Variants in UNC5D observed in about 807,000 individuals in gnomAD.
UNC5D encodes netrin receptor UNC5D.
A neutral mutation model predicts 105.4 loss-of-function variants in UNC5D; 39 were observed. The observed-to-expected ratio is 0.37, with a 90% CI of 0.29 to 0.48. UNC5D has a LOEUF of 0.48. Ranked by LOEUF, UNC5D falls within the 20% of genes least tolerant of loss-of-function variation. UNC5D has a pLI of 0.98. For synonymous variants in UNC5D, 452 were observed against 450.4 expected (o/e 1.00, Z -0.04); for missense variants, 991 against 1,202.4 (o/e 0.82, Z 2.60).
chr8:35,684,432 G>A (rs1825876118), intron 5 of UNC5D, 150 bp from the exon 6 acceptor site: 2 of 798,226 alleles, frequency 2.5e-6, no homozygotes, highest in South Asian at 5.2e-5. Context: ...CCCCACTGTT[G>A]TCTCATAATG....
rs748166151 is a variant in UNC5D, at chr8:35,686,613, C to T, written c.988C>T (p.Arg330Trp). Residue 330 changes from arginine (R) to tryptophan (W), a missense_variant, in exon 7 of 17, where the codon CGG becomes TGG. Coordinates refer to ENST00000404895, the MANE Select transcript of UNC5D (RefSeq NM_080872.4). Reference sequence around the variant, plus strand: ...TCCAGAGTGTGAACATTTGCGGATCCGGGAGTGCACAGCACCACCCCCGAG... The same window carrying T: ...TCCAGAGTGTGAACATTTGCGGATCTGGGAGTGCACAGCACCACCCCCGAG... The part of the protein sequence containing the change: ...CSPECEHLRI[R>W]ECTAPPPRNG... The T allele has an allele frequency of 1.9e-6, 3 of 1,607,330 alleles. No individual in the cohort carries two copies. The highest frequency in any genetic ancestry group is 1.3e-5 in the African/African-American group (1 of 74,122).
chr8:35,702,487 A>T (rs750427571), intron 7 of UNC5D, among the ~76,000 whole-genome samples: 1 of 152,022 alleles, frequency 6.6e-6, no homozygotes, highest in Admixed American at 6.6e-5. Context: ...CATGGCCCTA[A>T]TGGATTAATT....
intron 1 of UNC5D, among the ~76,000 whole-genome samples, chr8:35,349,562 A>G (rs1812057204): frequency 6.6e-6 from 1 of 152,104 alleles, no homozygotes; most frequent in African/African-American, 2.4e-5. Flanking sequence ...TTGGCAATGA[A>G]TACTGTCAGT....
At chr8:35,513,270 C>T (rs1458940307) in intron 1 of UNC5D, among the ~76,000 whole-genome samples, 2 of 149,950 alleles carry the variant, frequency 1.3e-5, no homozygotes, top group African/African-American at 2.5e-5. Flanking sequence ...GCTCTATCAC[C>T]GAGGCTGAAG....
rs567395618 is a variant in UNC5D at position 35,756,817 on chromosome 8, A to G, written c.2164-2503A>G. Among the ~76,000 whole-genome samples, 5 of 152,302 alleles carry G rather than the reference A, an allele frequency of 3.3e-5. No homozygotes were observed. The South Asian group carries it at 1.0e-3, about 32-fold the overall frequency. ...TTCTAACAAAATAGTCTAGTACTAC[A>G]CTAAATAACACATGACCTTGAACAA... On this transcript the variant is annotated intron_variant, in intron 13 of 16. Transcript: ENST00000404895.
chr8:35,790,339 G>A lies in UNC5D; in HGVS notation c.2658-20G>A. 2 of 1,611,532 alleles carry A rather than the reference G, an allele frequency of 1.2e-6. No homozygotes were observed. Among genetic ancestry groups the A allele is most frequent in the East Asian group, 2.2e-5 (1 of 44,842 alleles). On this transcript the variant is annotated intron_variant, in intron 16 of 16. Transcript: ENST00000404895. ...TTTCATGTTTCGTTTTGTTCTTTGTGTTTAACTCTCTCCATCTAGGAATTT... is the reference window on the plus strand; with the variant it reads ...TTTCATGTTTCGTTTTGTTCTTTGTATTTAACTCTCTCCATCTAGGAATTT...
chr8:35,712,331 G>T (rs565130693), intron 8 of UNC5D, among the ~76,000 whole-genome samples: 1 of 152,282 alleles, frequency 6.6e-6, no homozygotes, highest in East Asian at 1.9e-4. Context: ...TCATGTAGAA[G>T]ACATTTATTG....
At chr8:35,387,766 A>G (rs555798754) in intron 1 of UNC5D, among the ~76,000 whole-genome samples, 1 of 152,162 alleles carries the variant, frequency 6.6e-6, no homozygotes, top group Admixed American at 6.5e-5. Context: ...TTAGGAGTAC[A>G]GGTATTTAGA....
intron 1 of UNC5D, among the ~76,000 whole-genome samples, chr8:35,304,087 G>C (rs1808162042): frequency 6.6e-6 from 1 of 152,006 alleles, no homozygotes; most frequent in African/African-American, 2.4e-5. Flanking sequence ...AGAATCCCTT[G>C]ATTGGCAGGA....
chr8:35,693,440 T>C (rs1404910041), intron 7 of UNC5D, among the ~76,000 whole-genome samples: 1 of 152,216 alleles, frequency 6.6e-6, no homozygotes, highest in African/African-American at 2.4e-5. Context: ...CAATGAAGAC[T>C]GGCCTTCATC....
chr8:35,280,717 T>A (rs1433249515), intron 1 of UNC5D, among the ~76,000 whole-genome samples: 4 of 152,234 alleles, frequency 2.6e-5, no homozygotes, highest in South Asian at 4.1e-4. Context: ...TTACTACTGC[T>A]GCCTCTTTTC....
chr8:35,269,268 A>G (rs938118746), intron 1 of UNC5D, among the ~76,000 whole-genome samples: 3 of 152,152 alleles, frequency 2.0e-5, no homozygotes, highest in Non-Finnish European at 4.4e-5. Context: ...CAGTCATCCC[A>G]TTTGCCAAGC....
At chr8:35,313,182 A>G (rs1809027348) in intron 1 of UNC5D, among the ~76,000 whole-genome samples, 1 of 152,224 alleles carries the variant, frequency 6.6e-6, no homozygotes, top group Admixed American at 6.5e-5. Flanking sequence ...TTAAAATACA[A>G]GGAGTGCAAG....
At chr8:35,692,795 A>G (rs1322239821) in intron 7 of UNC5D, among the ~76,000 whole-genome samples, 1 of 152,196 alleles carries the variant, frequency 6.6e-6, no homozygotes, top group Non-Finnish European at 1.5e-5. Context: ...ACTGCTCGCT[A>G]ATTCTCCCAA....
intron 1 of UNC5D, among the ~76,000 whole-genome samples, chr8:35,343,530 T>G (rs1811602961): frequency 6.6e-6 from 1 of 152,150 alleles, no homozygotes; most frequent in East Asian, 1.9e-4. Context: ...CTTGATGTTT[T>G]GTAAGAGGGC....
intron 1 of UNC5D, among the ~76,000 whole-genome samples, chr8:35,398,402 C>T (rs1284650587): frequency 6.6e-6 from 1 of 152,068 alleles, no homozygotes; most frequent in Non-Finnish European, 1.5e-5. Context: ...ACATCTTTTA[C>T]CTCCACTAGG....
chr8:35,235,813 G>A lies in UNC5D; in HGVS notation c.29G>A (p.Gly10Asp). 1 of 1,230,078 alleles carries A rather than the reference G, an allele frequency of 8.1e-7. No homozygotes were observed. The highest frequency in any genetic ancestry group is 1.0e-6 in the Non-Finnish European group (1 of 986,456). 76.2% of individuals were successfully genotyped at this position (1,230,078 alleles called of 1,614,324 possible). MGRAAATAG[G>D]GGGARRWLPW... ...GGGAGAGCGGCGGCCACCGCAGGCG[G>A]CGGCGGAGGGGCGCGCCGCTGGCTC... is the stretch of plus-strand genomic sequence containing the variant. The change falls in exon 1 of 17, where the codon GGC becomes GAC. Residue 10 changes from glycine (G) to aspartate (D), a missense_variant. Transcript: ENST00000404895.
At chr8:35,361,158 G>T (rs12056409) in intron 1 of UNC5D, among the ~76,000 whole-genome samples, 2 of 151,690 alleles carry the variant, frequency 1.3e-5, no homozygotes, top group Non-Finnish European at 2.9e-5. Context: ...AGGTTCAATC[G>T]TCTGCTAATG....
intron 4 of UNC5D, among the ~76,000 whole-genome samples, chr8:35,608,578 T>C (rs1820464958): frequency 6.6e-6 from 1 of 152,186 alleles, no homozygotes; most frequent in Non-Finnish European, 1.5e-5. Context: ...GTTTCCACTA[T>C]TATTCTACAC....
Sources: gnomAD v4.1 joint callset for allele counts (sites outside exome capture counted in the v4.1 genomes callset) on GRCh38, gnomAD v4.1.1 for gene constraint, MANE v1.5 for transcripts, NCBI Gene and HGNC (gene_info 2026-07-23, HGNC 2026-07-21) for gene names.